The following ARRDC5 variants were observed in gnomAD, a reference collection of about 807,000 sequenced individuals.
ARRDC5 encodes arrestin domain containing 5.
In ARRDC5, 12 loss-of-function variants were observed where a neutral mutation model predicts 13.3. The ratio of observed to expected loss-of-function variants is 0.90; its 90% confidence interval spans 0.58 to 1.46. The LOEUF (loss-of-function observed/expected upper bound fraction) is 1.46. ARRDC5 is among the 40% of genes most tolerant of loss of function. The pLI is 0.00. For missense variants in ARRDC5, 406 were observed against 418.7 expected (o/e 0.97, Z 0.26); for synonymous variants, 181 against 173.4 (o/e 1.04, Z -0.34).
At chr19:4,903,840 T>C (rs2032001235), upstream of ARRDC5, among the ~76,000 whole-genome samples, 1 of 152,130 alleles carries the variant, frequency 6.6e-6, no homozygotes, top group South Asian at 2.1e-4. Flanking sequence ...ACTCTACATT[T>C]ATATTGGTCT....
At chr19:4,909,505 C>A in the ARRDC5 span, 2 of 657,438 alleles carry the variant, frequency 3.0e-6, no homozygotes, top group South Asian at 3.1e-5. Flanking sequence ...AAAATCAGAG[C>A]AGCTGGCAGC....
At chr19:4,904,746 G>A (rs2032030523), upstream of ARRDC5, among the ~76,000 whole-genome samples, 1 of 152,196 alleles carries the variant, frequency 6.6e-6, no homozygotes, top group African/African-American at 2.4e-5. Context: ...AGCCAGGAGT[G>A]GGTGTGGGGG....
At chr19:4,909,827 A>C in the ARRDC5 span, 4 of 402,952 alleles carry the variant, frequency 9.9e-6, no homozygotes, top group East Asian at 3.8e-5. Context: ...CCCGGCACAC[A>C]TCCGGCTGGA....
intron 1 of ARRDC5, among the ~76,000 whole-genome samples, chr19:4,899,181 G>A (rs552620661): frequency 7.2e-5 from 11 of 151,798 alleles, no homozygotes; most frequent in Admixed American, 6.6e-4. Context: ...GCGTGGTGGC[G>A]GGTGCCTGTA....
the ARRDC5 span, chr19:4,909,344 TAGGCGGAGGCGCCGTGGACAG>T: frequency 1.7e-6 from 1 of 590,044 alleles, no homozygotes; most frequent in African/African-American, 2.0e-5. Flanking sequence ...CGTGGCCCAC[TAGGCGGAGGCGCCGTGGACAG>T]AGGCGGGGGC....
the ARRDC5 span, among the ~76,000 whole-genome samples, chr19:4,911,801 C>G: frequency 6.6e-6 from 1 of 152,090 alleles, no homozygotes; most frequent in Non-Finnish European, 1.5e-5. Flanking sequence ...TGGGGTTTCC[C>G]GGCAGGATGA....
At chr19:4,915,176 A>T in the ARRDC5 span, among the ~76,000 whole-genome samples, 1 of 152,166 alleles carries the variant, frequency 6.6e-6, no homozygotes, top group Non-Finnish European at 1.5e-5. Flanking sequence ...GTCACTTGTC[A>T]CAGTGATGCC....
chr19:4,916,622 C>G, the ARRDC5 span, among the ~76,000 whole-genome samples: 1 of 152,072 alleles, frequency 6.6e-6, no homozygotes, highest in African/African-American at 2.4e-5. Flanking sequence ...GCTGGGATGC[C>G]CTCGCGGCGC....
chr19:4,912,263 C>T, the ARRDC5 span, among the ~76,000 whole-genome samples: 1 of 152,190 alleles, frequency 6.6e-6, no homozygotes, highest in Admixed American at 6.5e-5. Context: ...CTCCGCCTGG[C>T]GCTCTCTTCC....
intron 2 of ARRDC5, among the ~76,000 whole-genome samples, chr19:4,896,358 TTTTACACACACACAC>T (rs2031725989): frequency 1.2e-5 from 1 of 84,702 alleles, no homozygotes; most frequent in Non-Finnish European, 2.2e-5. Flanking sequence ...ATTTTTTTTT[TTTTACACACACACAC>T]ACACACACAC....
At chr19:4,904,144 C>T (rs1035357058), upstream of ARRDC5, among the ~76,000 whole-genome samples, 6 of 151,620 alleles carry the variant, frequency 4.0e-5, no homozygotes, top group African/African-American at 1.5e-4. Context: ...GGCACCTGCC[C>T]CCGTGCCCGG....
At chr19:4,903,029 C>CTTTTTCACTGGGTCT, upstream of ARRDC5, 1 of 448,156 alleles carries the variant, frequency 2.2e-6, no homozygotes, top group Non-Finnish European at 4.0e-6. Flanking sequence ...CTCACTGGTT[C>CTTTTTCACTGGGTCT]TTTTTTTTTT....
At chr19:4,907,607 T>C (rs574051936), upstream of ARRDC5, among the ~76,000 whole-genome samples, 3 of 151,036 alleles carry the variant, frequency 2.0e-5, no homozygotes, top group Admixed American at 2.0e-4. Flanking sequence ...AGGTCAGAAG[T>C]CTGAAATAAA....
chr19:4,910,700 T>G, the ARRDC5 span: 1 of 560,770 alleles, frequency 1.8e-6, no homozygotes, highest in Non-Finnish European at 2.9e-6. Context: ...CTTAAGTGCT[T>G]AATTTGTTGT....
chr19:4,903,316 G>T, upstream of ARRDC5: 2 of 160,006 alleles, frequency 1.2e-5, no homozygotes, highest in East Asian at 1.8e-4. Flanking sequence ...CTGCACCTGG[G>T]CTTTTTCTTT....
intron 2 of ARRDC5, among the ~76,000 whole-genome samples, chr19:4,895,229 C>G (rs1406149825): frequency 6.6e-6 from 1 of 151,730 alleles, no homozygotes; most frequent in East Asian, 1.9e-4. Flanking sequence ...TAAGACCAGC[C>G]TGGCCAACAT....
At chr19:4,903,167 C>T (rs923857401), upstream of ARRDC5, 61 of 289,330 alleles carry the variant, frequency 2.1e-4, no homozygotes, top group African/African-American at 1.1e-3. Context: ...GCTGGGACCA[C>T]GGGTGCATGC....
chr19:4,903,059 C>T, upstream of ARRDC5: 1 of 379,284 alleles, frequency 2.6e-6, no homozygotes. Flanking sequence ...TGGAGTCTTA[C>T]CCTGTAGCCC....
At chr19:4,913,807 CTTTTTTTTTT>C in the ARRDC5 span, among the ~76,000 whole-genome samples, 5 of 110,136 alleles carry the variant, frequency 4.5e-5, no homozygotes, top group Non-Finnish European at 7.0e-5. Flanking sequence ...CATGCAGTAG[CTTTTTTTTTT>C]TTTTTTTTTT....
Sources: allele counts gnomAD v4.1 joint callset (sites outside exome capture counted in the v4.1 genomes callset), GRCh38; gene constraint gnomAD v4.1.1; transcripts MANE v1.5; gene names NCBI Gene and HGNC (gene_info 2026-07-23, HGNC 2026-07-21).